The following KMT5B variants were observed in gnomAD, a reference collection of about 807,000 sequenced individuals.
The protein encoded by KMT5B is histone-lysine N-methyltransferase KMT5B.
KMT5B carries 10 observed loss-of-function variants against 83.2 expected under a neutral mutation model. The ratio of observed to expected loss-of-function variants is 0.12; its 90% CI spans 0.07 to 0.20. The LOEUF is 0.20. KMT5B is among the 10% of genes least tolerant of loss of function. The pLI is 1.00. For missense variants in KMT5B, 753 were observed against 1,067.2 expected (o/e 0.71, Z 4.10); for synonymous variants, 349 against 388.8 (o/e 0.90, Z 1.20).
intron 3 of KMT5B, 25 bp from the exon 4 acceptor site, chr11:68,180,225 C>T: frequency 5.2e-6 from 8 of 1,550,994 alleles, no homozygotes; most frequent in Middle Eastern, 1.7e-4. Context: ...AAACAAACAA[C>T]AAAAATAAAA....
At chr11:68,159,717 A>T (rs1036511854) in intron 10 of KMT5B, among the ~76,000 whole-genome samples, 12 of 152,242 alleles carry the variant, frequency 7.9e-5, no homozygotes, top group African/African-American at 2.9e-4. Context: ...GATGCTAAGA[A>T]CCATATATTA....
chr11:68,196,479 G>GTACA (rs999039767), intron 1 of KMT5B, among the ~76,000 whole-genome samples: 8 of 147,684 alleles, frequency 5.4e-5, no homozygotes, highest in African/African-American at 2.0e-4. Context: ...ATAGCACACA[G>GTACA]TACATCCTAG....
chr11:68,189,418 C>T (rs1342506897), intron 2 of KMT5B, among the ~76,000 whole-genome samples: 3 of 152,194 alleles, frequency 2.0e-5, no homozygotes, highest in South Asian at 2.1e-4. Context: ...ACTGTCTACC[C>T]TGTATAAATA....
chr11:68,175,481 TATCTC>T (rs1246137728), intron 4 of KMT5B, among the ~76,000 whole-genome samples: 3 of 152,230 alleles, frequency 2.0e-5, no homozygotes, highest in African/African-American at 4.8e-5. Context: ...ATTTCACTGT[TATCTC>T]ATTAACTGTG....
At position 68,171,523 on chromosome 11, in the gene KMT5B, A is replaced by T; in HGVS notation, c.820+20T>A. 1 of 1,610,416 alleles carries T rather than the reference A, an allele frequency of 6.2e-7. No individual in the cohort carries two copies. Among genetic ancestry groups the T allele is most frequent in the Non-Finnish European group, 8.5e-7 (1 of 1,178,110 alleles). On this transcript the variant is annotated intron_variant, in intron 7 of 10. Coordinates refer to ENST00000304363, the MANE Select transcript of KMT5B (RefSeq NM_017635.5). The surrounding 1 kb of genome is among the most constrained non-coding windows in gnomAD (Gnocchi z 5.1). ...AGGAATGGCCAACACTAGCGCCAAC[A>T]CCTTGGAAACACAGCTTACCATGGT... is the stretch of plus-strand genomic sequence containing the variant.
intron 4 of KMT5B, among the ~76,000 whole-genome samples, chr11:68,179,306 CCCTT>C (rs1182576260): frequency 1.1e-4 from 17 of 152,158 alleles, no homozygotes; most frequent in African/African-American, 3.4e-4. Flanking sequence ...CGTCCTCCCT[CCCTT>C]AATAGAAAAT....
At chr11:68,175,307 TAAGAG>T in intron 4 of KMT5B, 124 bp from the exon 5 acceptor site, 1 of 669,754 alleles carries the variant, frequency 1.5e-6, no homozygotes, top group Non-Finnish European at 2.5e-6. Context: ...AGCAAAGATC[TAAGAG>T]AAGAGAACAA....
chr11:68,159,914 T>C lies in KMT5B; in HGVS notation c.1175-743A>G, dbSNP rs571582100. On this transcript the variant is annotated intron_variant, in intron 10 of 10. Transcript: ENST00000304363. The stretch of plus-strand genomic sequence containing the variant: ...AATCACAGTGAAGGAAGATGCACGC[T>C]GCTAGAATTGTACACTCTCAGGACA... Among the ~76,000 whole-genome samples, 4 of 152,208 alleles carry C rather than the reference T, an allele frequency of 2.6e-5. 1 individual carries two copies. In the South Asian group the frequency reaches 8.3e-4, roughly 32 times the overall value.
At chr11:68,175,256 T>A (rs1346241361) in intron 4 of KMT5B, 73 bp from the exon 5 acceptor site, 6 of 1,246,942 alleles carry the variant, frequency 4.8e-6, no homozygotes, top group Non-Finnish European at 5.7e-6. Context: ...TAACAGATCT[T>A]GAGAAAGAGC....
intron 1 of KMT5B, among the ~76,000 whole-genome samples, chr11:68,203,028 T>C (rs1859648442): frequency 1.3e-5 from 2 of 152,088 alleles, no homozygotes; most frequent in Non-Finnish European, 1.5e-5. Flanking sequence ...CAGGCTGTAG[T>C]GCAGTGGCAC....
intron 10 of KMT5B, chr11:68,166,731 T>G: frequency 7.5e-7 from 1 of 1,340,116 alleles, no homozygotes; most frequent in Non-Finnish European, 9.6e-7. Context: ...TTGGAACATA[T>G]GATGAAGAAC....
rs1859322794 is a variant in KMT5B at position 68,156,745 on chromosome 11, C to T, written c.*943G>A. 1 of 152,576 alleles carries T rather than the reference C, an allele frequency of 6.6e-6. No homozygotes were observed. The allele number at this position is 152,576 out of a possible 1,614,324, so 9.5% of individuals were successfully genotyped here. The stretch of plus-strand genomic sequence containing the variant: ...TTACCACAGAACAAAAGCTGTGACT[C>T]ATGTTTTTATTTCATAAACTATTAT... On this transcript the variant is annotated 3_prime_UTR_variant, in exon 11 of 11. Transcript: ENST00000304363.
intron 1 of KMT5B, among the ~76,000 whole-genome samples, chr11:68,199,739 T>G (rs1254801234): frequency 6.6e-6 from 1 of 152,208 alleles, no homozygotes; most frequent in Non-Finnish European, 1.5e-5. Flanking sequence ...ATTTACTAAC[T>G]GACTACTGCT....
chr11:68,173,185 T>A (rs1035405248), intron 6 of KMT5B, among the ~76,000 whole-genome samples: 28 of 152,088 alleles, frequency 1.8e-4, no homozygotes, highest in Non-Finnish European at 2.2e-4. Context: ...GGACTACAGG[T>A]GTGTGCTACC....
At chr11:68,178,089 A>T (rs1856550268) in intron 4 of KMT5B, among the ~76,000 whole-genome samples, 1 of 152,256 alleles carries the variant, frequency 6.6e-6, no homozygotes, top group Admixed American at 6.5e-5. Flanking sequence ...GAAAAGCAAT[A>T]GTTCACTTTA....
chr11:68,208,508 A>G (rs767520510), intron 1 of KMT5B, among the ~76,000 whole-genome samples: 1 of 152,080 alleles, frequency 6.6e-6, no homozygotes, highest in Admixed American at 6.6e-5. Flanking sequence ...AAAACTCTAG[A>G]GCAAAATAGA....
At chr11:68,189,871 A>C (rs1480503634) in intron 2 of KMT5B, 46 bp downstream of exon 2, 2 of 1,557,434 alleles carry the variant, frequency 1.3e-6, no homozygotes, top group African/African-American at 2.7e-5. Flanking sequence ...AAGAATTACT[A>C]CCCCATATCA....
At chr11:68,175,818 T>A (rs150184230) in intron 4 of KMT5B, among the ~76,000 whole-genome samples, 169 of 152,270 alleles carry the variant, frequency 1.1e-3, no homozygotes, top group African/African-American at 4.0e-3. Context: ...TCATCTTTGA[T>A]GACTGCATTC....
chr11:68,212,107 T>C (rs910935346), intron 1 of KMT5B, among the ~76,000 whole-genome samples: 1 of 152,248 alleles, frequency 6.6e-6, no homozygotes, highest in African/African-American at 2.4e-5. Context: ...TTATCAATAT[T>C]ATAGGCGTGT....
Sources: allele counts gnomAD v4.1 joint callset (sites outside exome capture counted in the v4.1 genomes callset), GRCh38; gene constraint gnomAD v4.1.1; non-coding constraint Gnocchi (gnomAD v3.1); transcripts MANE v1.5; gene names NCBI Gene and HGNC (gene_info 2026-07-23, HGNC 2026-07-21).